The following ADAM12 variants were observed in gnomAD, a reference collection of about 807,000 sequenced individuals.
ADAM12 encodes disintegrin and metalloproteinase domain-containing protein 12.
Under a neutral mutation model 106.4 loss-of-function variants are expected in ADAM12, and 70 were observed. The ratio of observed to expected loss-of-function variants is 0.66; its 90% CI spans 0.54 to 0.80. The LOEUF is 0.80. ADAM12 is among the 30% of genes least tolerant of loss of function. The pLI is 0.00. For missense variants in ADAM12, 1,010 were observed against 1,171.9 expected, an observed-to-expected ratio of 0.86 and a Z score of 2.02; for synonymous variants, 420 against 433.5, an observed-to-expected ratio of 0.97 and a Z score of 0.39.
intron 2 of ADAM12, among the ~76,000 whole-genome samples, chr10:126,300,976 G>C (rs1268261046): frequency 1.3e-5 from 2 of 152,176 alleles, no homozygotes; most frequent in Non-Finnish European, 2.9e-5. Context: ...GACTTAAATA[G>C]GTTGGTTGAA....
chr10:126,031,890 T>C (rs1179139379), intron 21 of ADAM12, among the ~76,000 whole-genome samples: 1 of 152,170 alleles, frequency 6.6e-6, no homozygotes, highest in African/African-American at 2.4e-5. Flanking sequence ...TCCTCTAATA[T>C]AGCTGATGGG....
chr10:126,252,676 G>A (rs979938952), intron 3 of ADAM12, among the ~76,000 whole-genome samples: 3 of 152,004 alleles, frequency 2.0e-5, no homozygotes, highest in African/African-American at 7.2e-5. Flanking sequence ...GGTTACGGGG[G>A]ATCTTTCTTA....
At chr10:126,224,493 A>G (rs1024175133) in intron 3 of ADAM12, among the ~76,000 whole-genome samples, 1 of 151,486 alleles carries the variant, frequency 6.6e-6, no homozygotes, top group African/African-American at 2.4e-5. Flanking sequence ...AAGGATGGAC[A>G]GTGGCTCTTC....
At chr10:126,351,755 A>C (rs1420325695) in intron 1 of ADAM12, among the ~76,000 whole-genome samples, 1 of 152,006 alleles carries the variant, frequency 6.6e-6, no homozygotes, top group Non-Finnish European at 1.5e-5. Context: ...CAATGCCTTC[A>C]ACTGTGCATT....
chr10:126,310,929 C>T (rs778931726), intron 2 of ADAM12, among the ~76,000 whole-genome samples: 3 of 152,108 alleles, frequency 2.0e-5, no homozygotes, highest in Non-Finnish European at 4.4e-5. Context: ...ATGGTGGACC[C>T]TAAGGAGCAG....
rs185371430 is a variant in ADAM12, at chr10:126,033,966, T to C, written c.2529+2180A>G. Among the ~76,000 whole-genome samples the C allele has an allele frequency of 1.5e-3, 229 of 152,354 alleles. 1 individual carries two copies. Among genetic ancestry groups the C allele is most frequent in the Non-Finnish European group, 2.9e-3 (196 of 68,028 alleles). ...TTTAAAAAATGGCTAAAGAAAGTTT[T>C]TCAGACAGAAAATAATAAGCAAAGT... is the stretch of plus-strand genomic sequence containing the variant. On this transcript the variant is annotated intron_variant, in intron 21 of 22. Coordinates refer to ENST00000448723, the MANE Select transcript of ADAM12 (RefSeq NM_001288973.2).
At chr10:126,164,034 T>C (rs1956982481) in intron 3 of ADAM12, among the ~76,000 whole-genome samples, 1 of 152,212 alleles carries the variant, frequency 6.6e-6, no homozygotes, top group South Asian at 2.1e-4. Flanking sequence ...ATTTCAAGAA[T>C]TCTGAATGTT....
At chr10:126,301,059 G>C (rs1960600765) in intron 2 of ADAM12, among the ~76,000 whole-genome samples, 1 of 152,234 alleles carries the variant, frequency 6.6e-6, no homozygotes, top group African/African-American at 2.4e-5. Context: ...ATTTTTGGTT[G>C]TCTCAACAGG....
chr10:126,321,313 A>T (rs1210028396), intron 2 of ADAM12, among the ~76,000 whole-genome samples: 1 of 151,946 alleles, frequency 6.6e-6, no homozygotes, highest in African/African-American at 2.4e-5. Flanking sequence ...TTTTTTTTCA[A>T]AAGGACCCAG....
At chr10:126,379,047 A>G (rs530372978) in intron 1 of ADAM12, among the ~76,000 whole-genome samples, 13 of 152,340 alleles carry the variant, frequency 8.5e-5, no homozygotes, top group Non-Finnish European at 1.0e-4. Flanking sequence ...CAAAAAACCC[A>G]GGATGAAAAC....
intron 1 of ADAM12, among the ~76,000 whole-genome samples, chr10:126,358,946 G>C (rs1246116308): frequency 6.6e-6 from 1 of 152,180 alleles, no homozygotes; most frequent in Non-Finnish European, 1.5e-5. Context: ...ATTTACAAAA[G>C]AAAGCGGTTT....
chr10:126,266,031 G>C (rs894109740), intron 3 of ADAM12, among the ~76,000 whole-genome samples: 1 of 152,142 alleles, frequency 6.6e-6, no homozygotes, highest in East Asian at 1.9e-4. Context: ...GTGAAATGAC[G>C]TGATGTCTGG....
At position 126,296,342 on chromosome 10, in the gene ADAM12, C is replaced by T. The variant is rs1005975969; in HGVS notation, c.187-17354G>A. Among the ~76,000 whole-genome samples the T allele has an allele frequency of 3.3e-5, 5 of 152,166 alleles. 1 individual carries two copies. Among genetic ancestry groups the T allele is most frequent in the Admixed American group, 2.6e-4 (4 of 15,276 alleles). On this transcript the variant is annotated intron_variant, in intron 2 of 22. Coordinates refer to ENST00000448723, the MANE Select transcript of ADAM12 (RefSeq NM_001288973.2). ...TAGAGACAGGGTCTTGCTATGTTGT[C>T]CAGGCTGCTCTTGAACTTCTGGCTT...
chr10:126,291,732 G>T (rs534090778), intron 2 of ADAM12, among the ~76,000 whole-genome samples: 1 of 152,098 alleles, frequency 6.6e-6, no homozygotes, highest in Admixed American at 6.5e-5. Context: ...CCCAGGGCTC[G>T]GGGGGTGATG....
chr10:126,359,065 G>C (rs1855648340), intron 1 of ADAM12, among the ~76,000 whole-genome samples: 1 of 152,160 alleles, frequency 6.6e-6, no homozygotes, highest in Non-Finnish European at 1.5e-5. Flanking sequence ...GAGAGAGCCT[G>C]TGCAGGGAAA....
At chr10:126,246,716 G>A (rs1958637502) in intron 3 of ADAM12, among the ~76,000 whole-genome samples, 1 of 152,092 alleles carries the variant, frequency 6.6e-6, no homozygotes, top group South Asian at 2.1e-4. Flanking sequence ...AATAAACTAG[G>A]TATTGAAGGA....
intron 4 of ADAM12, among the ~76,000 whole-genome samples, chr10:126,136,750 T>C (rs1421267225): frequency 1.3e-5 from 2 of 152,194 alleles, no homozygotes; most frequent in Non-Finnish European, 2.9e-5. Context: ...TCAACGTAGA[T>C]GACAAAATTC....
At chr10:126,386,471 G>A (rs1480050183) in intron 1 of ADAM12, among the ~76,000 whole-genome samples, 1 of 152,166 alleles carries the variant, frequency 6.6e-6, no homozygotes, top group Non-Finnish European at 1.5e-5. Flanking sequence ...GGGTAAACAA[G>A]CAGTGAATCC....
chr10:126,326,038 G>T (rs917297339), intron 2 of ADAM12, among the ~76,000 whole-genome samples: 1 of 152,088 alleles, frequency 6.6e-6, no homozygotes, highest in Non-Finnish European at 1.5e-5. Context: ...TCTTGATTTG[G>T]AAAGGACATT....
Sources: allele counts gnomAD v4.1 joint callset (sites outside exome capture counted in the v4.1 genomes callset), GRCh38; gene constraint gnomAD v4.1.1; transcripts MANE v1.5; gene names NCBI Gene and HGNC (gene_info 2026-07-23, HGNC 2026-07-21).